FRMD4A: variants seen among roughly 807,000 people sequenced by gnomAD.
The protein encoded by FRMD4A is FERM domain-containing protein 4A.
FRMD4A carries 29 observed loss-of-function variants against 129.1 expected under a neutral mutation model. The ratio of observed to expected loss-of-function variants is 0.22; its 90% CI spans 0.17 to 0.31. The LOEUF is 0.31. Ranked by LOEUF, FRMD4A falls within the 10% of genes least tolerant of loss-of-function variation. The pLI is 1.00. For missense variants in FRMD4A, 1,272 were observed against 1,375.8 expected (o/e 0.92, Z 1.19); for synonymous variants, 634 against 571.6 (o/e 1.11, Z -1.56).
At chr10:14,208,264 T>G (rs1445643294) in intron 2 of FRMD4A, among the ~76,000 whole-genome samples, 1 of 152,114 alleles carries the variant, frequency 6.6e-6, no homozygotes, top group Non-Finnish European at 1.5e-5. Context: ...CATGCTGCCT[T>G]GAAGCTATTG....
At chr10:13,805,657 C>T (rs1171066040) in intron 4 of FRMD4A, among the ~76,000 whole-genome samples, 2 of 152,026 alleles carry the variant, frequency 1.3e-5, no homozygotes, top group African/African-American at 4.8e-5. Context: ...CATTCCCACC[C>T]CACCCCCTGG....
intron 5 of FRMD4A, among the ~76,000 whole-genome samples, chr10:13,794,958 G>A (rs2093082271): frequency 6.6e-6 from 1 of 152,320 alleles, no homozygotes; most frequent in Non-Finnish European, 1.5e-5. Context: ...CTTAGAGACT[G>A]ACACTTCCAC....
At chr10:14,165,730 A>G (rs1841138630) in intron 2 of FRMD4A, among the ~76,000 whole-genome samples, 1 of 152,254 alleles carries the variant, frequency 6.6e-6, no homozygotes, top group Admixed American at 6.5e-5. Flanking sequence ...GGAGCCCATT[A>G]TCTTAAGCAA....
chr10:14,273,076 A>ACACACACACACACATG (rs1237250411), intron 2 of FRMD4A, among the ~76,000 whole-genome samples: 1 of 151,418 alleles, frequency 6.6e-6, no homozygotes, highest in Non-Finnish European at 1.5e-5. Context: ...ACACACACAC[A>ACACACACACACACATG]CACACACACA....
chr10:13,707,675 A>C (rs1220930792), intron 12 of FRMD4A: 1 of 985,770 alleles, frequency 1.0e-6, no homozygotes, highest in East Asian at 1.1e-4. Flanking sequence ...CAAAGGGCGG[A>C]GGAGGCTGGG....
rs140629145 is a variant in FRMD4A at position 14,048,613 on chromosome 10, C to A, written c.46-189701G>T. ...TTGAGGTCAGGAGTACAAGACCAGC[C>A]TGGCCAACATGGTGAAACCCTGTCT... On this transcript the variant is annotated intron_variant, in intron 2 of 24. Coordinates refer to ENST00000357447, the MANE Select transcript of FRMD4A (RefSeq NM_018027.5). Among the ~76,000 whole-genome samples the A allele has an allele frequency of 7.9e-3, 1,208 of 152,114 alleles. 62 individuals carry two copies. In the East Asian group the frequency reaches 0.13, roughly 16 times the overall value.
intron 2 of FRMD4A, among the ~76,000 whole-genome samples, chr10:14,213,719 A>G (rs1842992878): frequency 6.6e-6 from 1 of 152,162 alleles, no homozygotes; most frequent in Non-Finnish European, 1.5e-5. Flanking sequence ...AGGGGTGGTG[A>G]TATGGTTTGG....
At chr10:13,969,795 C>A (rs1330641234) in intron 2 of FRMD4A, among the ~76,000 whole-genome samples, 1 of 152,140 alleles carries the variant, frequency 6.6e-6, no homozygotes, top group Non-Finnish European at 1.5e-5. Context: ...TGCAATGAGT[C>A]GTGATTGCAC....
intron 2 of FRMD4A, among the ~76,000 whole-genome samples, chr10:14,249,350 T>TCAAAAAAAAAAAAAAAAAAAAA (rs1564416620): frequency 8.2e-6 from 1 of 121,372 alleles, no homozygotes; most frequent in African/African-American, 2.8e-5. Context: ...AGAATCTGTC[T>TCAAAAAAAAAAAAAAAAAAAAA]TAAAAAAAAA....
intron 2 of FRMD4A, among the ~76,000 whole-genome samples, chr10:13,928,925 G>A (rs1424435179): frequency 2.6e-5 from 4 of 152,200 alleles, no homozygotes; most frequent in Admixed American, 2.6e-4. Context: ...ATGTCACATG[G>A]AATTCTCAGT....
At chr10:14,120,741 CGTGA>C (rs1446720822) in intron 2 of FRMD4A, among the ~76,000 whole-genome samples, 2 of 152,166 alleles carry the variant, frequency 1.3e-5, no homozygotes, top group African/African-American at 4.8e-5. Context: ...TTTGATTTTA[CGTGA>C]GTGAGAAATA....
At chr10:14,149,418 T>C (rs925637350) in intron 2 of FRMD4A, among the ~76,000 whole-genome samples, 2 of 151,868 alleles carry the variant, frequency 1.3e-5, no homozygotes, top group Admixed American at 1.3e-4. Flanking sequence ...TAGCTCACTG[T>C]GGTCTTAAAC....
At chr10:14,323,125 G>A (rs1202063188) in intron 2 of FRMD4A, among the ~76,000 whole-genome samples, 1 of 152,202 alleles carries the variant, frequency 6.6e-6, no homozygotes, top group East Asian at 1.9e-4. Flanking sequence ...TTAGCTGATT[G>A]TCCAGAGGTG....
At chr10:14,000,200 A>G (rs1588719800) in intron 2 of FRMD4A, among the ~76,000 whole-genome samples, 1 of 152,328 alleles carries the variant, frequency 6.6e-6, no homozygotes, top group South Asian at 2.1e-4. Context: ...GATAGATAAT[A>G]TTATCCTCTG....
chr10:14,055,462 A>ACAC (rs1834476616), intron 2 of FRMD4A, among the ~76,000 whole-genome samples: 1 of 77,430 alleles, frequency 1.3e-5, no homozygotes, highest in African/African-American at 5.7e-5. Flanking sequence ...CACACACACA[A>ACAC]ACACACACAC....
At chr10:13,853,315 G>A (rs1330211633) in intron 3 of FRMD4A, among the ~76,000 whole-genome samples, 1 of 152,228 alleles carries the variant, frequency 6.6e-6, no homozygotes. Flanking sequence ...AAAGGACCAA[G>A]GCAGGAGAAT....
intron 2 of FRMD4A, among the ~76,000 whole-genome samples, chr10:14,270,675 A>G (rs1413795910): frequency 6.6e-6 from 1 of 152,190 alleles, no homozygotes; most frequent in African/African-American, 2.4e-5. Context: ...GGAAATTCTC[A>G]CTTAACCCTG....
At chr10:14,067,655 A>C (rs1835126575) in intron 2 of FRMD4A, among the ~76,000 whole-genome samples, 1 of 151,898 alleles carries the variant, frequency 6.6e-6, no homozygotes. Context: ...CATCTCTACT[A>C]AAAATACAAA....
At chr10:14,008,657 T>C in intron 2 of FRMD4A, 1 of 196,976 alleles carries the variant, frequency 5.1e-6, no homozygotes, top group Non-Finnish European at 9.2e-6. Context: ...CTATTTGGAA[T>C]ATCACCATCT....
Sources: gnomAD v4.1 joint callset for allele counts (sites outside exome capture counted in the v4.1 genomes callset) on GRCh38, gnomAD v4.1.1 for gene constraint, MANE v1.5 for transcripts, NCBI Gene and HGNC (gene_info 2026-07-23, HGNC 2026-07-21) for gene names.